ISX: variants seen among roughly 807,000 people sequenced by gnomAD.
ISX encodes the protein intestine specific homeobox, also known as intestine-specific homeobox.
ISX carries 15 observed loss-of-function variants against 16.9 expected under a neutral mutation model. The ratio of observed to expected loss-of-function variants is 0.89; its 90% CI spans 0.59 to 1.36. The LOEUF (loss-of-function observed/expected upper bound fraction) is 1.36. Ranked by LOEUF, ISX falls within the 40% of genes most tolerant of loss-of-function variation. The probability of loss-of-function intolerance (pLI) is 0.00; values close to 1 mark genes in which losing one functional copy is unlikely to be tolerated. For synonymous variants in ISX, 125 were observed against 119.7 expected (o/e 1.04, Z -0.29); for missense variants, 316 against 306.1 (o/e 1.03, Z -0.24).
chr22:35,070,976 A>G (rs1182266777), intron 2 of ISX, among the ~76,000 whole-genome samples: 1 of 152,236 alleles, frequency 6.6e-6, no homozygotes, highest in Non-Finnish European at 1.5e-5. Flanking sequence ...CTTATGTTCC[A>G]ATAAAACTTT....
At chr22:35,069,858 G>T (rs1279017354) in intron 2 of ISX, among the ~76,000 whole-genome samples, 1 of 152,132 alleles carries the variant, frequency 6.6e-6, no homozygotes, top group Admixed American at 6.5e-5. Context: ...CATTTAAAAG[G>T]CTTCCTAGAC....
At chr22:35,080,235 T>G (rs1428847669) in intron 2 of ISX, among the ~76,000 whole-genome samples, 1 of 152,214 alleles carries the variant, frequency 6.6e-6, no homozygotes, top group South Asian at 2.1e-4. Flanking sequence ...TTTCTGCCTA[T>G]GTGATACCCA....
At chr22:35,068,649 G>A (rs949790573) in intron 2 of ISX, among the ~76,000 whole-genome samples, 2 of 152,166 alleles carry the variant, frequency 1.3e-5, no homozygotes, top group Non-Finnish European at 2.9e-5. Flanking sequence ...CCTTCCCCTA[G>A]CCCGATGACG....
chr22:35,080,844 C>A (rs1929108166), intron 2 of ISX, among the ~76,000 whole-genome samples: 1 of 152,208 alleles, frequency 6.6e-6, no homozygotes, highest in Admixed American at 6.5e-5. Flanking sequence ...CACTTCTGGA[C>A]AGATAAATCC....
At chr22:35,074,004 C>T (rs544935719) in intron 2 of ISX, among the ~76,000 whole-genome samples, 30 of 152,194 alleles carry the variant, frequency 2.0e-4, no homozygotes, top group Non-Finnish European at 4.0e-4. Flanking sequence ...ATTAAGAAAT[C>T]ACTTCCCAGA....
At chr22:35,085,186 C>T (rs1392718886) in intron 4 of ISX, among the ~76,000 whole-genome samples, 1 of 152,146 alleles carries the variant, frequency 6.6e-6, no homozygotes, top group African/African-American at 2.4e-5. Context: ...AGTGACTTTT[C>T]CATGTCAAAA....
At chr22:35,077,175 G>A (rs954618670) in intron 2 of ISX, among the ~76,000 whole-genome samples, 1 of 152,154 alleles carries the variant, frequency 6.6e-6, no homozygotes, top group Admixed American at 6.5e-5. Flanking sequence ...CCTATGCATG[G>A]GCCAGGGCCA....
chr22:35,073,281 G>T (rs1424145738), intron 2 of ISX, among the ~76,000 whole-genome samples: 1 of 152,210 alleles, frequency 6.6e-6, no homozygotes, highest in East Asian at 1.9e-4. Context: ...TGAGTTGGGT[G>T]CTGGAGATGG....
intron 3 of ISX, among the ~76,000 whole-genome samples, chr22:35,083,499 T>A (rs1293652616): frequency 6.6e-6 from 1 of 152,236 alleles, no homozygotes. Context: ...ACTAGAGGTA[T>A]TTCCTGCCCT....
rs1454032409 is a variant in ISX, at chr22:35,067,216, G to A, written c.129G>A (p.Arg43=). The A allele has an allele frequency of 2.5e-6, 4 of 1,610,550 alleles. No homozygotes were observed. The South Asian group carries it at 3.3e-5, about 13-fold the overall frequency. Residue 43 remains arginine (R), a synonymous_variant, in exon 2 of 5, where the codon AGG becomes AGA. Coordinates refer to ENST00000404699, the MANE Select transcript of ISX (RefSeq NM_001303508.2). ...CGATCCTAAAGAGGCCTGCCAGGAGGAGTGATATGGACAGACCAGAAGGGC... is the reference window on the plus strand; with the variant it reads ...CGATCCTAAAGAGGCCTGCCAGGAGAAGTGATATGGACAGACCAGAAGGGC... The part of the protein sequence containing the change: ...IEAILKRPAR[R]SDMDRPEGPG...
chr22:35,079,428 ATTT>A (rs755046274), intron 2 of ISX, among the ~76,000 whole-genome samples: 97 of 152,208 alleles, frequency 6.4e-4, no homozygotes, highest in Non-Finnish European at 1.1e-3. Context: ...ACTTTTATCC[ATTT>A]AAGACATATA....
intron 2 of ISX, among the ~76,000 whole-genome samples, chr22:35,071,132 G>A (rs1017065047): frequency 5.9e-5 from 9 of 152,024 alleles, no homozygotes; most frequent in African/African-American, 1.4e-4. Context: ...CACCCTCCCC[G>A]GCCCTGTCTA....
At chr22:35,082,696 A>C in intron 3 of ISX, 27 bp downstream of exon 3, 1 of 1,612,516 alleles carries the variant, frequency 6.2e-7, no homozygotes. Flanking sequence ...CTCAGCCCCC[A>C]GCCTCCATGC....
chr22:35,085,497 C>G lies in ISX; in HGVS notation c.542C>G (p.Pro181Arg), dbSNP rs1411982196. 6.2e-7 allele frequency: 1 copy of G among 1,614,056 alleles called. No homozygotes were observed. The highest frequency in any genetic ancestry group is 1.3e-5 in the African/African-American group (1 of 74,922). The change falls in exon 5 of 5, where the codon CCC becomes CGC. Residue 181 changes from proline to arginine, a missense_variant. Pro to Arg is a moderately radical substitution (Grantham distance 103, BLOSUM62 -2). Transcript: ENST00000404699. Reference protein sequence around the residue: ...TSTALRRLAPPTSCCPSAQDQ... With the variant: ...TSTALRRLAPRTSCCPSAQDQ... ...ACTGCTCTGCGCAGGCTGGCTCCTC[C>G]CACGAGCTGTTGTCCATCGGCTCAA...
chr22:35,072,038 C>T (rs1403526072), intron 2 of ISX, among the ~76,000 whole-genome samples: 1 of 152,182 alleles, frequency 6.6e-6, no homozygotes, highest in Non-Finnish European at 1.5e-5. Context: ...CCAGGAGCTC[C>T]CATCAGAGCA....
At chr22:35,080,843 A>G (rs62241686) in intron 2 of ISX, among the ~76,000 whole-genome samples, 7,024 of 152,334 alleles carry the variant, frequency 0.046, 237 homozygotes, top group South Asian at 0.1. Context: ...GCACTTCTGG[A>G]CAGATAAATC....
rs200664733 is a variant in ISX, at chr22:35,067,059, C to G, written c.-29C>G. The G allele has an allele frequency of 6.3e-7, 1 of 1,576,548 alleles. No individual in the cohort carries two copies. The highest frequency in any genetic ancestry group is 8.7e-7 in the Non-Finnish European group (1 of 1,149,628). ...CACTCTCCACTGGCACCCTCCTTGG[C>G]CTACACAGAGTCACCCCTGAGCCCC... On this transcript the variant is annotated 5_prime_UTR_variant, in exon 2 of 5. Transcript: ENST00000404699.
chr22:35,082,006 C>G (rs1337449417), intron 2 of ISX, among the ~76,000 whole-genome samples: 1 of 152,210 alleles, frequency 6.6e-6, no homozygotes, highest in African/African-American at 2.4e-5. Context: ...CTTTACTTTG[C>G]AGACCAAGAC....
At position 35,085,827 on chromosome 22, in the gene ISX, C is replaced by T. The variant is rs189872702; in HGVS notation, c.*134C>T. On this transcript the variant is annotated 3_prime_UTR_variant, in exon 5 of 5. Transcript: ENST00000404699. ...CCACAGCCCAGGAAGCTACCCTGAA[C>T]ATGCCAGTTGGAAGGCTGCACCAGA... is the stretch of plus-strand genomic sequence containing the variant. 4 of 1,108,526 alleles carry T rather than the reference C, an allele frequency of 3.6e-6. No homozygotes were observed. In the East Asian group the frequency reaches 7.3e-5, roughly 20 times the overall value. The allele number at this position is 1,108,526 out of a possible 1,614,324, so 68.7% of individuals were successfully genotyped here.
Sources: allele counts gnomAD v4.1 joint callset (sites outside exome capture counted in the v4.1 genomes callset), GRCh38; gene constraint gnomAD v4.1.1; transcripts MANE v1.5; gene names NCBI Gene and HGNC (gene_info 2026-07-23, HGNC 2026-07-21).